The following ZNF423 variants were observed in gnomAD, a reference collection of about 807,000 sequenced individuals.
ZNF423 encodes zinc finger protein 423.
A neutral mutation model predicts 95.8 loss-of-function variants in ZNF423; 12 were observed. The ratio of observed to expected loss-of-function variants is 0.13; its 90% CI spans 0.08 to 0.20. The LOEUF is 0.20. Ranked by LOEUF, ZNF423 falls within the 10% of genes least tolerant of loss-of-function variation. ZNF423 has a pLI of 1.00. For missense variants in ZNF423, 1,316 were observed against 1,737.1 expected (o/e 0.76, Z 4.31); for synonymous variants, 749 against 711.9 (o/e 1.05, Z -0.83).
chr16:49,854,525 G>A (rs2144135953), intron 1 of ZNF423: 3 of 985,466 alleles, frequency 3.0e-6, no homozygotes, highest in East Asian at 1.1e-4. Flanking sequence ...GGTCATCAGG[G>A]GAGATGGGAG....
intron 5 of ZNF423, among the ~76,000 whole-genome samples, chr16:49,527,341 T>G (rs1968654083): frequency 6.6e-6 from 1 of 152,190 alleles, no homozygotes; most frequent in Admixed American, 6.5e-5. Context: ...TGACAAGTTT[T>G]GGGACACAGG....
rs150416555 is a variant in ZNF423, at chr16:49,505,788, A to C, written c.3850-14484T>G. ...CTCCATGGGCTGCCCACTCTTTGGA[A>C]GCTGGTCCCACTGATGAGGCTGAAG... On this transcript the variant is annotated intron_variant, in intron 7 of 7. Transcript: ENST00000563137. Among the ~76,000 whole-genome samples the C allele has an allele frequency of 3.6e-3, 550 of 152,288 alleles. 4 individuals are homozygous for C. Among genetic ancestry groups the C allele is most frequent in the African/African-American group, 0.013 (527 of 41,568 alleles).
At chr16:49,811,875 C>T (rs1475294153) in intron 1 of ZNF423, among the ~76,000 whole-genome samples, 1 of 152,092 alleles carries the variant, frequency 6.6e-6, no homozygotes, top group Admixed American at 6.5e-5. Context: ...GGCCAGCCAC[C>T]GCCAGCCAGA....
At chr16:49,620,086 G>A (rs1426034750) in intron 5 of ZNF423, among the ~76,000 whole-genome samples, 2 of 151,332 alleles carry the variant, frequency 1.3e-5, no homozygotes, top group Non-Finnish European at 2.9e-5. Flanking sequence ...TTGTAAGGTA[G>A]AAAAACCCTC....
chr16:49,518,376 G>A (rs1472290868), intron 7 of ZNF423: 10 of 433,394 alleles, frequency 2.3e-5, no homozygotes, highest in South Asian at 5.0e-5. Context: ...AAATGACAAC[G>A]GGAACCACAG....
rs138828411 is a variant in ZNF423 at position 49,674,711 on chromosome 16, G to A, written c.302-35837C>T. On this transcript the variant is annotated intron_variant, in intron 3 of 7. Coordinates refer to ENST00000563137, the MANE Select transcript of ZNF423 (RefSeq NM_001379286.1). ...GCAGTGCTGTGCAGAGGGGCGGAAC[G>A]GGGCTGCAGCCACAGGGATGCTCTG... 2.1e-3 allele frequency among the ~76,000 whole-genome samples: 320 copies of A among 152,322 alleles called. 4 individuals are homozygous for A. The highest frequency in any genetic ancestry group is 0.015 in the East Asian group (79 of 5,184).
intron 1 of ZNF423, among the ~76,000 whole-genome samples, chr16:49,810,067 C>T (rs1047352048): frequency 6.6e-6 from 1 of 152,172 alleles, no homozygotes; most frequent in African/African-American, 2.4e-5. Flanking sequence ...GATATGCACA[C>T]TGAAGGCTTG....
intron 7 of ZNF423, among the ~76,000 whole-genome samples, chr16:49,499,795 A>G (rs1391263262): frequency 1.3e-5 from 2 of 152,228 alleles, no homozygotes; most frequent in African/African-American, 4.8e-5. Context: ...TAAACTCCCA[A>G]GAGGGCAGGT....
chr16:49,512,425 T>A (rs1967936333), intron 7 of ZNF423, among the ~76,000 whole-genome samples: 1 of 152,232 alleles, frequency 6.6e-6, no homozygotes, highest in Admixed American at 6.5e-5. Context: ...GGCTCTTCAA[T>A]AACCCTGGTC....
chr16:49,675,337 C>T lies in ZNF423; in HGVS notation c.302-36463G>A, dbSNP rs533145527. ...CACCCTGGATCATGCAGGAGAGGCA[C>T]GTACCCACCCAGGTGCTGGAACCAT... On this transcript the variant is annotated intron_variant, in intron 3 of 7. Transcript: ENST00000563137. Among the ~76,000 whole-genome samples, 23 of 152,242 alleles carry T rather than the reference C, an allele frequency of 1.5e-4. No homozygotes were observed. In the South Asian group the frequency reaches 3.7e-3, roughly 25 times the overall value.
Position 49,637,510 on chromosome 16 carries a change from GT to G in ZNF423, c.1665del (p.Lys555AsnfsTer2). The G allele has an allele frequency of 6.2e-7, 1 of 1,614,130 alleles. No individual in the cohort carries two copies. Among genetic ancestry groups the G allele is most frequent in the Non-Finnish European group, 8.5e-7 (1 of 1,180,024 alleles). ...GTGGGCTGCACCACCGGAGACTCTA[GT>G]TTGGCACTGCCCACACTGCAGTGGG... ...QQAHCSVGSAKLESPVVQPTQ... is the reference protein window; with the variant it reads ...QQAHCSVGSAXLESPVVQPTQ... On this transcript the variant is annotated frameshift_variant, in exon 4 of 8. Coordinates refer to ENST00000563137, the MANE Select transcript of ZNF423 (RefSeq NM_001379286.1). LOFTEE classifies it high-confidence loss of function. The surrounding 1 kb of genome is among the most constrained non-coding windows in gnomAD (Gnocchi z 5.6).
intron 3 of ZNF423, among the ~76,000 whole-genome samples, chr16:49,725,296 C>T (rs561498441): frequency 5.9e-4 from 89 of 152,136 alleles, no homozygotes; most frequent in Non-Finnish European, 7.9e-4. Flanking sequence ...GCGGGAGGAT[C>T]GCTTGAGCAC....
At chr16:49,767,300 A>G (rs1294126683) in intron 2 of ZNF423, among the ~76,000 whole-genome samples, 2 of 152,128 alleles carry the variant, frequency 1.3e-5, no homozygotes, top group African/African-American at 4.8e-5. Context: ...TGAGACATTC[A>G]AACAACATGG....
intron 1 of ZNF423, chr16:49,854,646 G>A (rs1009619890): frequency 4.1e-6 from 4 of 985,244 alleles, no homozygotes; most frequent in Non-Finnish European, 4.8e-6. Context: ...CCCAACCGAG[G>A]GGCTAGAATC....
intron 3 of ZNF423, among the ~76,000 whole-genome samples, chr16:49,699,388 T>A (rs527369895): frequency 6.6e-6 from 1 of 152,180 alleles, no homozygotes; most frequent in East Asian, 1.9e-4. Flanking sequence ...GGCCAAAACA[T>A]CTAGATCTAA....
At chr16:49,556,547 G>A (rs1969833391) in intron 5 of ZNF423, among the ~76,000 whole-genome samples, 1 of 152,130 alleles carries the variant, frequency 6.6e-6, no homozygotes, top group Non-Finnish European at 1.5e-5. Flanking sequence ...AAATATGTGT[G>A]GAATTGATTC....
intron 3 of ZNF423, among the ~76,000 whole-genome samples, chr16:49,701,132 A>C (rs1483921077): frequency 6.6e-6 from 1 of 152,258 alleles, no homozygotes; most frequent in Non-Finnish European, 1.5e-5. Flanking sequence ...AATTAACCCT[A>C]AGGCTTAACA....
chr16:49,795,457 G>A (rs1016227517), intron 1 of ZNF423, among the ~76,000 whole-genome samples: 1 of 152,166 alleles, frequency 6.6e-6, no homozygotes. Flanking sequence ...GAAAACTCTG[G>A]CCACAGAATC....
intron 5 of ZNF423, among the ~76,000 whole-genome samples, chr16:49,567,020 T>C (rs1210316935): frequency 6.6e-6 from 1 of 152,150 alleles, no homozygotes; most frequent in Non-Finnish European, 1.5e-5. Context: ...GGGACTCTCA[T>C]TGGGACAGAA....
Sources: gnomAD v4.1 joint callset for allele counts (sites outside exome capture counted in the v4.1 genomes callset) on GRCh38, gnomAD v4.1.1 for gene constraint, Gnocchi (gnomAD v3.1) non-coding constraint, MANE v1.5 for transcripts, NCBI Gene and HGNC (gene_info 2026-07-23, HGNC 2026-07-21) for gene names.